The following SOX6 variants were observed in gnomAD, a reference collection of about 807,000 sequenced individuals.
The protein encoded by SOX6 is SRY-box transcription factor 6, also known as transcription factor SOX-6.
A neutral mutation model predicts 97.8 loss-of-function variants in SOX6; 11 were observed. That is an observed-to-expected ratio of 0.11 (90% confidence interval 0.07 to 0.19). The LOEUF (loss-of-function observed/expected upper bound fraction) is 0.19. SOX6 is among the 10% of genes least tolerant of loss of function. The pLI is 1.00. For missense variants in SOX6, 810 were observed against 1,039.5 expected (o/e 0.78, Z 3.04); for synonymous variants, 360 against 371.4 (o/e 0.97, Z 0.35).
intron 9 of SOX6, among the ~76,000 whole-genome samples, chr11:16,090,038 A>C (rs1386214703): frequency 6.6e-6 from 1 of 152,128 alleles, no homozygotes; most frequent in African/African-American, 2.4e-5. Flanking sequence ...TCAACCAAAA[A>C]TATTTTAAAA....
At chr11:15,994,384 C>T (rs1231626304) in intron 13 of SOX6, among the ~76,000 whole-genome samples, 2 of 136,584 alleles carry the variant, frequency 1.5e-5, no homozygotes, top group African/African-American at 2.7e-5. Context: ...AAAAAAAAAG[C>T]AAAGGACATT....
chr11:16,669,555 C>T (rs1431421216), intron 3 of SOX6, among the ~76,000 whole-genome samples: 7 of 152,246 alleles, frequency 4.6e-5, no homozygotes, highest in African/African-American at 1.7e-4. Flanking sequence ...TCCAGCCATA[C>T]CCGGCTGGGG....
intron 6 of SOX6, among the ~76,000 whole-genome samples, chr11:16,141,207 C>G (rs1220961022): frequency 1.3e-5 from 2 of 152,094 alleles, no homozygotes; most frequent in Non-Finnish European, 2.9e-5. Context: ...ATTTGGATTT[C>G]TCCATTAGAT....
chr11:16,010,655 C>T (rs931597881), intron 13 of SOX6, among the ~76,000 whole-genome samples: 3 of 151,938 alleles, frequency 2.0e-5, no homozygotes, highest in African/African-American at 7.2e-5. Context: ...CAAGTCTCAA[C>T]TATTGTTGCT....
At chr11:16,549,817 C>T (rs187947951) in intron 4 of SOX6, among the ~76,000 whole-genome samples, 27 of 152,152 alleles carry the variant, frequency 1.8e-4, no homozygotes, top group African/African-American at 5.3e-4. Flanking sequence ...TCTTTCATTA[C>T]GCAAAATGAA....
intron 13 of SOX6, among the ~76,000 whole-genome samples, chr11:15,994,466 T>TC (rs1685951013): frequency 6.8e-6 from 1 of 148,074 alleles, no homozygotes; most frequent in African/African-American, 2.5e-5. Context: ...GTATAAGAGA[T>TC]GAAATTAGAA....
chr11:16,199,856 T>C lies in SOX6; in HGVS notation c.536-12901A>G, dbSNP rs553804447. On this transcript the variant is annotated intron_variant, in intron 4 of 15. Transcript: ENST00000683767. Reference sequence around the variant, plus strand: ...ACAGTTCTAGTAACATAAACTATAATTTAGAAGGCAGAATCAACTACAGGA... The same window carrying C: ...ACAGTTCTAGTAACATAAACTATAACTTAGAAGGCAGAATCAACTACAGGA... 1.5e-4 allele frequency among the ~76,000 whole-genome samples: 23 copies of C among 152,210 alleles called. No individual in the cohort carries two copies. The South Asian group carries it at 3.9e-3, about 26-fold the overall frequency.
chr11:16,144,979 A>C (rs1371857120), intron 6 of SOX6, among the ~76,000 whole-genome samples: 1 of 152,216 alleles, frequency 6.6e-6, no homozygotes, highest in East Asian at 1.9e-4. Context: ...AAAAAGAGGG[A>C]ATCCTCCCTA....
intron 4 of SOX6, among the ~76,000 whole-genome samples, chr11:16,198,814 T>A (rs929010889): frequency 2.6e-5 from 4 of 152,202 alleles, no homozygotes; most frequent in African/African-American, 9.6e-5. Context: ...CCTACTACAC[T>A]CTCTTTGCTC....
chr11:16,046,508 T>A lies in SOX6; in HGVS notation c.1623+6A>T. 6.2e-7 allele frequency: 1 copy of A among 1,612,732 alleles called. No homozygotes were observed. Among genetic ancestry groups the A allele is most frequent in the Non-Finnish European group, 8.5e-7 (1 of 1,179,578 alleles). ...CAGATCCAGTGACACAAGGAAGCAGTTTTACCTTTTCATTCCTGCAGCTGT... is the reference window on the plus strand; with the variant it reads ...CAGATCCAGTGACACAAGGAAGCAGATTTACCTTTTCATTCCTGCAGCTGT... On this transcript the variant is annotated splice_donor_region_variant and intron_variant, in intron 12 of 15. Transcript: ENST00000683767.
At chr11:16,191,310 A>C (rs896063222) in intron 4 of SOX6, among the ~76,000 whole-genome samples, 8 of 152,102 alleles carry the variant, frequency 5.3e-5, no homozygotes, top group African/African-American at 1.9e-4. Context: ...TTTTGTAAAA[A>C]ATAAGCTAAG....
intron 3 of SOX6, among the ~76,000 whole-genome samples, chr11:16,641,332 T>G (rs530405558): frequency 6.6e-6 from 1 of 152,168 alleles, no homozygotes; most frequent in African/African-American, 2.4e-5. Context: ...CTTCCAACTA[T>G]GTGGTCAGTT....
rs1285501790 is a variant in SOX6, at chr11:16,234,675, T to G, written c.446-4A>C. On this transcript the variant is annotated splice_region_variant and splice_polypyrimidine_tract_variant and intron_variant, in intron 3 of 15. Transcript: ENST00000683767. ...AGTTTTTCCATGCAGGAGGAATCTA[T>G]TAAAATACAAAAGTAAGTATTAAAA... is the stretch of plus-strand genomic sequence containing the variant. 1.3e-6 allele frequency: 2 copies of G among 1,504,358 alleles called. No individual in the cohort carries two copies. The highest frequency in any genetic ancestry group is 1.8e-6 in the Non-Finnish European group (2 of 1,092,906). 93.2% of individuals were successfully genotyped at this position (1,504,358 alleles called of 1,614,324 possible). A position where few individuals can be genotyped will look rare whatever the true frequency, so the allele number is the denominator to read the frequency against.
chr11:16,334,716 C>G (rs909349873), intron 2 of SOX6, among the ~76,000 whole-genome samples: 6 of 152,082 alleles, frequency 3.9e-5, no homozygotes, highest in Non-Finnish European at 7.4e-5. Flanking sequence ...GTATGAGCCA[C>G]CACGCCTAGC....
intron 3 of SOX6, among the ~76,000 whole-genome samples, chr11:16,275,285 CAAA>C (rs869208945): frequency 0.18 from 22,180 of 122,994 alleles, 2,046 homozygotes; most frequent in Admixed American, 0.29. Context: ...ACCAAAAATA[CAAA>C]AAAAAAAAAA....
chr11:16,146,116 A>G (rs1850287080), intron 6 of SOX6, among the ~76,000 whole-genome samples: 1 of 152,238 alleles, frequency 6.6e-6, no homozygotes, highest in Non-Finnish European at 1.5e-5. Flanking sequence ...ACAAGGCTAC[A>G]GTAACCAAAA....
At position 16,151,299 on chromosome 11, in the gene SOX6, C is replaced by T. The variant is rs533165174; in HGVS notation, c.777+32587G>A. On this transcript the variant is annotated intron_variant, in intron 6 of 15. Coordinates refer to ENST00000683767, the MANE Select transcript of SOX6 (RefSeq NM_001367873.1). ...TTGCCTCTCAGAGCTGACAATAGTG[C>T]GTAACGAAAGTGATTAAGAAATGAC... Among the ~76,000 whole-genome samples the T allele has an allele frequency of 3.9e-5, 6 of 152,184 alleles. No homozygotes were observed. The East Asian group carries it at 9.7e-4, about 25-fold the overall frequency.
chr11:16,652,762 TG>T (rs150560049), intron 3 of SOX6, among the ~76,000 whole-genome samples: 40,663 of 151,988 alleles, frequency 0.27, 6,175 homozygotes, highest in East Asian at 0.53. Context: ...AATAAATAGA[TG>T]GGACCTAATT....
intron 6 of SOX6, among the ~76,000 whole-genome samples, chr11:16,126,624 T>C (rs146885640): frequency 3.3e-5 from 5 of 152,138 alleles, no homozygotes; most frequent in African/African-American, 4.8e-5. Flanking sequence ...TTGTTTATGT[T>C]GTACCAGCAA....
Sources: allele counts gnomAD v4.1 joint callset (sites outside exome capture counted in the v4.1 genomes callset), GRCh38; gene constraint gnomAD v4.1.1; transcripts MANE v1.5; gene names NCBI Gene and HGNC (gene_info 2026-07-23, HGNC 2026-07-21).